The following AGBL1 variants were observed in gnomAD, a reference collection of about 807,000 sequenced individuals.
AGBL1 encodes the protein cytosolic carboxypeptidase 4.
In AGBL1, 130 loss-of-function variants were observed where a neutral mutation model predicts 118.9. The ratio of observed to expected loss-of-function variants is 1.09; its 90% confidence interval spans 0.95 to 1.26. AGBL1 has a LOEUF of 1.26. Among genes scored for constraint, AGBL1 ranks in the 50% most tolerant of loss-of-function variants. AGBL1 has a pLI of 0.00. For synonymous variants in AGBL1, 555 were observed against 478.9 expected (o/e 1.16, Z -2.08); for missense variants, 1,584 against 1,298.1 (o/e 1.22, Z -3.38).
intron 18 of AGBL1, among the ~76,000 whole-genome samples, chr15:86,462,368 C>G (rs997691722): frequency 1.3e-5 from 2 of 152,060 alleles, no homozygotes; most frequent in Admixed American, 6.6e-5. Context: ...TTAAGTTGTT[C>G]GCTGACTCCT....
At chr15:87,010,450 C>G (rs924799411) in intron 24 of AGBL1, among the ~76,000 whole-genome samples, 2 of 152,146 alleles carry the variant, frequency 1.3e-5, no homozygotes, top group Non-Finnish European at 2.9e-5. Flanking sequence ...TAATACACCA[C>G]CCAACATGGA....
At chr15:86,986,049 A>G in intron 23 of AGBL1, among the ~76,000 whole-genome samples, 1 of 151,688 alleles carries the variant, frequency 6.6e-6, no homozygotes, top group South Asian at 2.1e-4. Context: ...TCAGACTCCC[A>G]AGTAGCTGGG....
intron 23 of AGBL1, among the ~76,000 whole-genome samples, chr15:86,968,183 A>G (rs1376116008): frequency 1.3e-5 from 2 of 151,914 alleles, no homozygotes; most frequent in African/African-American, 2.4e-5. Context: ...AGTAGTGACA[A>G]TGACATTGGA....
chr15:86,264,087 C>A (rs2079033906), intron 10 of AGBL1, among the ~76,000 whole-genome samples, 171 bp from the exon 11 acceptor site: 1 of 152,116 alleles, frequency 6.6e-6, no homozygotes, highest in Non-Finnish European at 1.5e-5. Context: ...TTCTATGATT[C>A]TGTCATTTAT....
At chr15:86,676,850 C>T (rs2085857712) in intron 22 of AGBL1, among the ~76,000 whole-genome samples, 1 of 152,126 alleles carries the variant, frequency 6.6e-6, no homozygotes, top group Non-Finnish European at 1.5e-5. Context: ...TGCCTGTAAT[C>T]TCAGCACTTT....
chr15:86,294,386 G>A (rs868208634), intron 16 of AGBL1, among the ~76,000 whole-genome samples: 21 of 113,478 alleles, frequency 1.9e-4, no homozygotes, highest in African/African-American at 4.7e-4. Flanking sequence ...CTGGTTGACA[G>A]AGTGAGACTT....
chr15:86,117,323 T>G (rs191694132), intron 1 of AGBL1, among the ~76,000 whole-genome samples: 1 of 152,096 alleles, frequency 6.6e-6, no homozygotes, highest in Non-Finnish European at 1.5e-5. Context: ...AACTTTTTTT[T>G]CCCTTTATTT....
intron 23 of AGBL1, chr15:86,946,168 A>G (rs1191566752): frequency 1.3e-5 from 2 of 152,234 alleles, no homozygotes; most frequent in East Asian, 1.9e-4. Context: ...TTATGATGCA[A>G]TATTTTATTA....
rs771629730 is a variant in AGBL1 at position 86,771,261 on chromosome 15, G to A, written c.3158+96825G>A. Reference sequence around the variant, plus strand: ...TTAATCTAAGTATAAATAGTGCTAGGTACTTTAGCTACATTATCCCTAATC... The same window carrying A: ...TTAATCTAAGTATAAATAGTGCTAGATACTTTAGCTACATTATCCCTAATC... On this transcript the variant is annotated intron_variant, in intron 22 of 22. Transcript: ENST00000614907. Among the ~76,000 whole-genome samples the A allele has an allele frequency of 8.5e-5, 13 of 152,118 alleles. No homozygotes were observed. The East Asian group carries it at 1.2e-3, about 14-fold the overall frequency.
intron 5 of AGBL1, among the ~76,000 whole-genome samples, chr15:86,201,394 T>G (rs2141856917): frequency 6.6e-6 from 1 of 152,364 alleles, no homozygotes; most frequent in African/African-American, 2.4e-5. Context: ...ACTATCATTC[T>G]TGTCTTTTAA....
chr15:86,739,775 C>T (rs1050510264), intron 22 of AGBL1, among the ~76,000 whole-genome samples: 1 of 152,216 alleles, frequency 6.6e-6, no homozygotes, highest in South Asian at 2.1e-4. Context: ...AGGGAGGATG[C>T]AAAGATAATT....
At chr15:86,220,873 C>T (rs2078269793) in intron 5 of AGBL1, among the ~76,000 whole-genome samples, 2 of 152,134 alleles carry the variant, frequency 1.3e-5, no homozygotes. Flanking sequence ...TGAGTTTACA[C>T]TCTAAGAAAA....
At chr15:86,708,018 T>G (rs765381497) in intron 22 of AGBL1, among the ~76,000 whole-genome samples, 4 of 152,158 alleles carry the variant, frequency 2.6e-5, no homozygotes, top group Non-Finnish European at 4.4e-5. Flanking sequence ...ACTTGTTGCC[T>G]TCTTTCATTT....
chr15:86,588,944 A>C (rs1269369311), intron 21 of AGBL1, among the ~76,000 whole-genome samples: 1 of 152,180 alleles, frequency 6.6e-6, no homozygotes, highest in Non-Finnish European at 1.5e-5. Context: ...AGATCTAAAG[A>C]ATATTAAACA....
intron 17 of AGBL1, among the ~76,000 whole-genome samples, chr15:86,356,216 T>G (rs984811703): frequency 2.0e-5 from 3 of 151,962 alleles, no homozygotes; most frequent in Non-Finnish European, 4.4e-5. Flanking sequence ...CTGATGGGAA[T>G]AAAATCAAAG....
At chr15:86,468,896 G>A (rs1207867427) in intron 18 of AGBL1, among the ~76,000 whole-genome samples, 2 of 152,172 alleles carry the variant, frequency 1.3e-5, no homozygotes, top group African/African-American at 4.8e-5. Flanking sequence ...CCTAAATGAA[G>A]TGGGGTAGGC....
downstream of AGBL1, among the ~76,000 whole-genome samples, chr15:87,030,150 C>T (rs777956591): frequency 1.3e-5 from 2 of 151,952 alleles, no homozygotes; most frequent in Non-Finnish European, 2.9e-5. Context: ...GTTGAAGTCA[C>T]TATTACCACT....
intron 22 of AGBL1, among the ~76,000 whole-genome samples, chr15:86,691,580 G>A (rs1238624361): frequency 6.6e-6 from 1 of 152,072 alleles, no homozygotes; most frequent in Non-Finnish European, 1.5e-5. Context: ...GAAAATGCCA[G>A]GAACAAGGAT....
chr15:86,816,729 G>A (rs988445948), intron 22 of AGBL1, among the ~76,000 whole-genome samples: 5 of 152,158 alleles, frequency 3.3e-5, no homozygotes, highest in African/African-American at 1.2e-4. Flanking sequence ...GCACAACTGG[G>A]AAACTGGCCC....
Sources: allele counts gnomAD v4.1 joint callset (sites outside exome capture counted in the v4.1 genomes callset), GRCh38; gene constraint gnomAD v4.1.1; transcripts MANE v1.5; gene names NCBI Gene and HGNC (gene_info 2026-07-23, HGNC 2026-07-21).